PHLDB2: variants seen among roughly 807,000 people sequenced by gnomAD.
The protein encoded by PHLDB2 is pleckstrin homology like domain family B member 2.
PHLDB2 carries 71 observed loss-of-function variants against 123.6 expected under a neutral mutation model. The observed-to-expected ratio is 0.57, with a 90% CI of 0.47 to 0.70. The LOEUF (loss-of-function observed/expected upper bound fraction) is 0.70, where lower values mean the gene tolerates loss of function less well. Among genes scored for constraint, PHLDB2 ranks in the 30% least tolerant of loss-of-function variants. PHLDB2 has a pLI of 0.00. For synonymous variants in PHLDB2, 547 were observed against 541.6 expected, an observed-to-expected ratio of 1.01 and a Z score of -0.14; for missense variants, 1,446 against 1,519.5, an observed-to-expected ratio of 0.95 and a Z score of 0.80.
At chr3:111,758,672 G>A (rs2059943373) in intron 1 of PHLDB2, among the ~76,000 whole-genome samples, 1 of 152,212 alleles carries the variant, frequency 6.6e-6, no homozygotes. Flanking sequence ...AGATGGAAAT[G>A]CAGAAATCAC....
At chr3:111,922,195 C>T (rs1284229669) in intron 5 of PHLDB2, among the ~76,000 whole-genome samples, 2 of 152,218 alleles carry the variant, frequency 1.3e-5, no homozygotes, top group Admixed American at 1.3e-4. Context: ...TGTGAACCCT[C>T]CTGCCATCCT....
chr3:111,780,309 G>GAGGAAGAAGAGGAAGAAGAGGAA (rs1559827108), intron 1 of PHLDB2, among the ~76,000 whole-genome samples: 1 of 6,860 alleles, frequency 1.5e-4, no homozygotes, highest in African/African-American at 4.7e-4. Context: ...AAGAGGAAGA[G>GAGGAAGAAGAGGAAGAAGAGGAA]GAAGAGGAAG....
chr3:111,903,090 ATAAGAT>A (rs1218331785), intron 2 of PHLDB2, among the ~76,000 whole-genome samples: 1 of 152,180 alleles, frequency 6.6e-6, no homozygotes, highest in African/African-American at 2.4e-5. Context: ...GGTTCATGAG[ATAAGAT>A]TAAAAGAACT....
At chr3:111,940,308 G>T (rs547722920) in intron 7 of PHLDB2, among the ~76,000 whole-genome samples, 1 of 152,178 alleles carries the variant, frequency 6.6e-6, no homozygotes, top group Non-Finnish European at 1.5e-5. Context: ...TTCAAGATAG[G>T]TTTTTAATCA....
chr3:111,908,894 T>C (rs1459450804), intron 2 of PHLDB2, among the ~76,000 whole-genome samples: 16 of 152,176 alleles, frequency 1.1e-4, no homozygotes. Flanking sequence ...CTTTTCTCAT[T>C]CTACCACTCA....
chr3:111,812,710 C>T (rs1166596514), intron 1 of PHLDB2, among the ~76,000 whole-genome samples: 1 of 152,164 alleles, frequency 6.6e-6, no homozygotes, highest in Admixed American at 6.5e-5. Context: ...CAGATTGGAG[C>T]TTCATCAAAT....
intron 15 of PHLDB2, among the ~76,000 whole-genome samples, chr3:111,969,386 G>C (rs1418034695): frequency 3.9e-5 from 6 of 152,118 alleles, no homozygotes. Context: ...CATTACAAGA[G>C]CAAAGTACAT....
Position 111,962,105 on chromosome 3 carries a change from T to C in PHLDB2, c.2873-3T>C, listed in dbSNP as rs758025020. The C allele has an allele frequency of 3.2e-6, 5 of 1,575,214 alleles. No homozygotes were observed. The Admixed American group carries it at 8.5e-5, about 27-fold the overall frequency. ...ACTAACATATTTATGGCTCCTTCCT[T>C]AGGTTATAATCACCAACAGATGAGT... On this transcript the variant is annotated splice_region_variant and splice_polypyrimidine_tract_variant and intron_variant, in intron 12 of 17. Transcript: ENST00000431670.
Position 111,932,312 on chromosome 3 carries a change from T to G in PHLDB2, c.2045T>G (p.Leu682Arg). 1 of 1,551,572 alleles carries G rather than the reference T, an allele frequency of 6.4e-7. No homozygotes were observed. Among genetic ancestry groups the G allele is most frequent in the Non-Finnish European group, 8.7e-7 (1 of 1,146,794 alleles). The change falls in exon 6 of 18, where the codon CTT (leucine) becomes CGT (arginine). Residue 682 changes from leucine to arginine, a missense_variant. By Grantham distance (102) the Leu-to-Arg change is moderately radical. This residue lies in a region of PHLDB2 where 832 missense variants were observed against 831.9 expected (regional missense o/e 1.00). Coordinates refer to ENST00000431670, the MANE Select transcript of PHLDB2 (RefSeq NM_001134438.2). Reference sequence around the variant, plus strand: ...GCTGAAAGGGAAAAACTAGAGAGGCTTCAGGAGCTTTACTCCGAGCAGAAG... The same window carrying G: ...GCTGAAAGGGAAAAACTAGAGAGGCGTCAGGAGCTTTACTCCGAGCAGAAG... The part of the protein sequence containing the change: ...LDAEREKLER[L>R]QELYSEQKTQ...
chr3:111,771,366 T>C (rs1327319109), intron 1 of PHLDB2, among the ~76,000 whole-genome samples: 3 of 152,126 alleles, frequency 2.0e-5, no homozygotes, highest in African/African-American at 7.2e-5. Flanking sequence ...TTTTTTTTCT[T>C]TGAGACAGAG....
At chr3:111,757,284 A>C (rs941424728) in intron 1 of PHLDB2, among the ~76,000 whole-genome samples, 2 of 152,132 alleles carry the variant, frequency 1.3e-5, no homozygotes, top group Admixed American at 6.5e-5. Context: ...TTTCAGGTAC[A>C]CCAATCAGAT....
intron 1 of PHLDB2, among the ~76,000 whole-genome samples, chr3:111,799,128 G>C (rs1174920445): frequency 6.6e-6 from 1 of 152,116 alleles, no homozygotes; most frequent in Non-Finnish European, 1.5e-5. Context: ...AATAGCATGG[G>C]GGAAACCACC....
At chr3:111,848,077 G>A (rs1045497143) in intron 2 of PHLDB2, among the ~76,000 whole-genome samples, 2 of 152,126 alleles carry the variant, frequency 1.3e-5, no homozygotes, top group Admixed American at 6.6e-5. Flanking sequence ...TAGGTAGGCA[G>A]TATGCGACCC....
intron 1 of PHLDB2, among the ~76,000 whole-genome samples, chr3:111,814,760 C>A (rs2061996302): frequency 1.3e-5 from 2 of 152,000 alleles, no homozygotes; most frequent in Non-Finnish European, 2.9e-5. Context: ...GGGGAGCTTA[C>A]AAGCACAAAG....
intron 1 of PHLDB2, among the ~76,000 whole-genome samples, chr3:111,805,317 T>C (rs1361113077): frequency 6.6e-6 from 1 of 151,956 alleles, no homozygotes; most frequent in East Asian, 1.9e-4. Context: ...TCCCAGCACT[T>C]TGGGAGGCTG....
intron 4 of PHLDB2, 112 bp downstream of exon 4, chr3:111,919,327 A>T: frequency 1.8e-6 from 2 of 1,103,730 alleles, no homozygotes; most frequent in South Asian, 2.9e-5. Context: ...AACACAAGCA[A>T]ACATTTATTC....
At chr3:111,877,207 T>C (rs554821600) in intron 1 of PHLDB2, among the ~76,000 whole-genome samples, 13 of 152,366 alleles carry the variant, frequency 8.5e-5, no homozygotes, top group African/African-American at 2.2e-4. Flanking sequence ...GTGTTCCTAT[T>C]TCTCCACATC....
At chr3:111,916,344 T>C (rs1044719640) in intron 3 of PHLDB2, 1 of 152,212 alleles carries the variant, frequency 6.6e-6, no homozygotes, top group Non-Finnish European at 1.5e-5. Flanking sequence ...TTTTTACTTA[T>C]TACTTTCTGA....
At chr3:111,845,279 C>A (rs1408865424) in intron 1 of PHLDB2, among the ~76,000 whole-genome samples, 1 of 128,282 alleles carries the variant, frequency 7.8e-6, no homozygotes, top group African/African-American at 2.9e-5. Context: ...TGCTTGAATC[C>A]GGGAGGTGGA....
Sources: gnomAD v4.1 joint callset for allele counts (sites outside exome capture counted in the v4.1 genomes callset) on GRCh38, gnomAD v4.1.1 for gene constraint, gnomAD v4.1.1 regional missense constraint, MANE v1.5 for transcripts, NCBI Gene and HGNC (gene_info 2026-07-23, HGNC 2026-07-21) for gene names.